The following SNAP25 variants were observed in gnomAD, a reference collection of about 807,000 sequenced individuals.
SNAP25 encodes the protein synaptosomal-associated protein 25.
Under a neutral mutation model 28.7 loss-of-function variants are expected in SNAP25, and 3 were observed. The observed-to-expected ratio is 0.10, with a 90% CI of 0.05 to 0.27. The LOEUF is 0.27. Ranked by LOEUF, SNAP25 falls within the 10% of genes least tolerant of loss-of-function variation. The pLI is 1.00. For synonymous variants in SNAP25, 61 were observed against 88.1 expected, an observed-to-expected ratio of 0.69 and a Z score of 1.72; for missense variants, 117 against 278.7, an observed-to-expected ratio of 0.42 and a Z score of 4.13.
chr20:10,262,673 T>C (rs1447061925), intron 1 of SNAP25, among the ~76,000 whole-genome samples: 3 of 152,008 alleles, frequency 2.0e-5, no homozygotes, highest in Non-Finnish European at 4.4e-5. Context: ...TATGTGATAG[T>C]GATTTATTAA....
intron 1 of SNAP25, among the ~76,000 whole-genome samples, chr20:10,244,725 CTT>C (rs1158403586): frequency 6.7e-5 from 10 of 149,818 alleles, no homozygotes; most frequent in African/African-American, 2.5e-4. Flanking sequence ...TTCTTTCTTT[CTT>C]TCTCTCTTTT....
At chr20:10,231,078 G>C (rs1288914251) in intron 1 of SNAP25, among the ~76,000 whole-genome samples, 1 of 152,026 alleles carries the variant, frequency 6.6e-6, no homozygotes, top group Non-Finnish European at 1.5e-5. Context: ...ATAGGAAAAA[G>C]TGTCCCCAGT....
chr20:10,267,484 A>T (rs184134553), intron 1 of SNAP25, among the ~76,000 whole-genome samples: 1 of 152,340 alleles, frequency 6.6e-6, no homozygotes, highest in East Asian at 1.9e-4. Context: ...GAACCTGTCA[A>T]ATCACTCTGT....
chr20:10,245,850 C>T (rs895421417), intron 1 of SNAP25, among the ~76,000 whole-genome samples: 2 of 152,188 alleles, frequency 1.3e-5, no homozygotes, highest in South Asian at 4.1e-4. Flanking sequence ...AAATCATAAG[C>T]TTTGTCCTTT....
At chr20:10,288,483 T>C (rs2063928925) in intron 4 of SNAP25, among the ~76,000 whole-genome samples, 1 of 152,204 alleles carries the variant, frequency 6.6e-6, no homozygotes, top group African/African-American at 2.4e-5. Flanking sequence ...TTTGCTGAAA[T>C]CTTCATAAAA....
intron 1 of SNAP25, among the ~76,000 whole-genome samples, chr20:10,240,034 C>T (rs2062996796): frequency 6.6e-6 from 1 of 152,344 alleles, no homozygotes; most frequent in East Asian, 1.9e-4. Flanking sequence ...TGGCAGGGCT[C>T]TCTCCTTAGG....
chr20:10,293,193 C>A lies in SNAP25; in HGVS notation c.196C>A (p.Gln66Lys). 6.2e-7 allele frequency: 1 copy of A among 1,613,868 alleles called. No individual in the cohort carries two copies. Among genetic ancestry groups the A allele is most frequent in the Non-Finnish European group, 8.5e-7 (1 of 1,179,956 alleles). The change falls in exon 5 of 8, where the codon CAA becomes AAA. Residue 66 changes from glutamine to lysine, a missense_variant. Transcript: ENST00000254976. This position sits in a 1 kb window ranked among gnomAD's most constrained non-coding sequence, Gnocchi z 5.6. ...QLERIEEGMD[Q>K]INKDMKEAEK... Reference sequence around the variant, plus strand: ...GGAACGCATTGAGGAAGGGATGGACCAAATCAATAAGGACATGAAAGAAGC... The same window carrying A: ...GGAACGCATTGAGGAAGGGATGGACAAAATCAATAAGGACATGAAAGAAGC...
intron 1 of SNAP25, among the ~76,000 whole-genome samples, chr20:10,266,581 C>T (rs1485677177): frequency 6.6e-6 from 1 of 152,104 alleles, no homozygotes; most frequent in Non-Finnish European, 1.5e-5. Context: ...AGATGAGAGA[C>T]ATAAGGCTAA....
At chr20:10,290,589 T>C (rs1035660411) in intron 4 of SNAP25, among the ~76,000 whole-genome samples, 24 of 151,408 alleles carry the variant, frequency 1.6e-4, no homozygotes, top group Admixed American at 1.3e-3. Context: ...TACCTCCTAA[T>C]CTCTGGAAGC....
At chr20:10,251,315 A>G (rs1003614003) in intron 1 of SNAP25, among the ~76,000 whole-genome samples, 5 of 152,176 alleles carry the variant, frequency 3.3e-5, no homozygotes, top group African/African-American at 1.2e-4. Context: ...ATAGAGGCCA[A>G]AGTAGCATGA....
At chr20:10,278,335 A>T (rs1475533264) in intron 3 of SNAP25, among the ~76,000 whole-genome samples, 1 of 152,216 alleles carries the variant, frequency 6.6e-6, no homozygotes, top group Non-Finnish European at 1.5e-5. Context: ...AGGCAGGGTT[A>T]ATGAATCCCA....
rs1363131431 is a variant in SNAP25, at chr20:10,284,602, T to G, written c.115-122T>G. On this transcript the variant is annotated intron_variant, in intron 3 of 7. Transcript: ENST00000254976. ...CAGGGCTCTTGTCATACTTTCTCCCTTTTTTCTTTTGGTCCTTCTTCATTT... is the reference window on the plus strand; with the variant it reads ...CAGGGCTCTTGTCATACTTTCTCCCGTTTTTCTTTTGGTCCTTCTTCATTT... 6 of 771,124 alleles carry G rather than the reference T, an allele frequency of 7.8e-6. No homozygotes were observed. In the East Asian group the frequency reaches 1.5e-4, roughly 19 times the overall value. 47.8% of individuals were successfully genotyped at this position (771,124 alleles called of 1,614,324 possible). A position where few individuals can be genotyped will look rare whatever the true frequency, so the allele number is the denominator to read the frequency against.
chr20:10,236,959 CATAA>C (rs3063167), intron 1 of SNAP25, among the ~76,000 whole-genome samples: 3,113 of 146,572 alleles, frequency 0.021, 59 homozygotes, highest in African/African-American at 0.043. Flanking sequence ...AAGGAAAATA[CATAA>C]ATAAATAAAT....
intron 7 of SNAP25, among the ~76,000 whole-genome samples, chr20:10,305,592 A>C: frequency 6.6e-6 from 1 of 152,212 alleles, no homozygotes; most frequent in South Asian, 2.1e-4. Flanking sequence ...CACCATTCAA[A>C]CCCATGATGT....
At chr20:10,264,918 C>CTTTTTTTTT (rs958711328) in intron 1 of SNAP25, among the ~76,000 whole-genome samples, 1,714 of 117,006 alleles carry the variant, frequency 0.015, 101 homozygotes, top group African/African-American at 0.055. Flanking sequence ...TCAGACCATG[C>CTTTTTTTTT]TTTTTTTTTT....
intron 1 of SNAP25, among the ~76,000 whole-genome samples, chr20:10,234,506 G>A (rs560479083): frequency 2.1e-4 from 32 of 152,272 alleles, no homozygotes; most frequent in Admixed American, 3.9e-4. Flanking sequence ...CCAATTTGCC[G>A]CAAAGCCTAC....
chr20:10,295,518 C>T (rs1463586545), intron 5 of SNAP25, among the ~76,000 whole-genome samples: 3 of 152,058 alleles, frequency 2.0e-5, no homozygotes, highest in Non-Finnish European at 4.4e-5. Context: ...CTAAGGCCTG[C>T]GGCATTATAG....
chr20:10,226,698 ATC>A (rs1339864432), intron 1 of SNAP25, among the ~76,000 whole-genome samples: 1 of 152,160 alleles, frequency 6.6e-6, no homozygotes, highest in Non-Finnish European at 1.5e-5. Context: ...AGCTGTCAGT[ATC>A]TACAGAGAGA....
In SNAP25 at chr20:10,277,704, G is replaced by A. The variant is rs1341058084; in HGVS notation, c.92G>A (p.Arg31His). The A allele has an allele frequency of 3.7e-6, 6 of 1,613,524 alleles. No homozygotes were observed. The highest frequency in any genetic ancestry group is 4.2e-6 in the Non-Finnish European group (5 of 1,179,910). The change falls in exon 3 of 8, where the codon CGT becomes CAT. Residue 31 changes from arginine (R) to histidine (H), a missense_variant. Arg to His is a conservative substitution (Grantham distance 29). This residue lies in a region of SNAP25 where 29 missense variants were observed against 53.5 expected (regional missense o/e 0.54). Coordinates refer to ENST00000254976, the MANE Select transcript of SNAP25 (RefSeq NM_130811.4). ...TCTTAGTCGCTGGAAAGCACCCGTC[G>A]TATGCTGCAACTGGTTGAAGAGGTA... Reference protein sequence around the residue: ...LADESLESTRRMLQLVEESKD... With the variant: ...LADESLESTRHMLQLVEESKD...
Sources: gnomAD v4.1 joint callset for allele counts (sites outside exome capture counted in the v4.1 genomes callset) on GRCh38, gnomAD v4.1.1 for gene constraint, gnomAD v4.1.1 regional missense constraint, Gnocchi (gnomAD v3.1) non-coding constraint, MANE v1.5 for transcripts, NCBI Gene and HGNC (gene_info 2026-07-23, HGNC 2026-07-21) for gene names.